Variants in TSGA13 observed in about 807,000 individuals in gnomAD.
TSGA13 encodes the protein testis-specific gene 13 protein.
TSGA13 carries 37 observed loss-of-function variants against 35.1 expected under a neutral mutation model. The ratio of observed to expected loss-of-function variants is 1.05; its 90% CI spans 0.81 to 1.39. The LOEUF is 1.39. Ranked by LOEUF, TSGA13 falls within the 40% of genes most tolerant of loss-of-function variation. The pLI, the probability that TSGA13 is intolerant of heterozygous loss-of-function variation, is 0.00. For missense variants in TSGA13, 338 were observed against 328.5 expected (o/e 1.03, Z -0.22); for synonymous variants, 124 against 121.2 (o/e 1.02, Z -0.15).
intron 3 of TSGA13, among the ~76,000 whole-genome samples, chr7:130,682,504 A>G (rs1322996533): frequency 1.3e-5 from 2 of 152,074 alleles, no homozygotes; most frequent in African/African-American, 4.8e-5. Context: ...TGGCCTCCCA[A>G]AGTGCTGGGA....
At chr7:130,677,408 G>A (rs1554464288) in intron 5 of TSGA13, among the ~76,000 whole-genome samples, 1 of 151,266 alleles carries the variant, frequency 6.6e-6, no homozygotes, top group Non-Finnish European at 1.5e-5. Flanking sequence ...TTTGTCTCCT[G>A]CCATTTACTC....
intron 1 of TSGA13, among the ~76,000 whole-genome samples, chr7:130,685,743 T>C (rs1371164243): frequency 6.6e-6 from 1 of 152,208 alleles, no homozygotes; most frequent in Non-Finnish European, 1.5e-5. Context: ...AACAAAGCCA[T>C]GCTCATTCAT....
chr7:130,672,884 G>A lies in TSGA13; in HGVS notation c.388-8C>T. On this transcript the variant is annotated splice_region_variant and splice_polypyrimidine_tract_variant and intron_variant, in intron 5 of 7. Transcript: ENST00000356588. ...GTGCTGATGATGACTTTCCTGTAGGGAAACGAGGGAAGAAGAGTGAGGGAG... is the reference window on the plus strand; with the variant it reads ...GTGCTGATGATGACTTTCCTGTAGGAAAACGAGGGAAGAAGAGTGAGGGAG... 2.5e-6 allele frequency: 4 copies of A among 1,612,056 alleles called. No individual in the cohort carries two copies. Among genetic ancestry groups the A allele is most frequent in the Non-Finnish European group, 3.4e-6 (4 of 1,178,968 alleles).
Position 130,670,592 on chromosome 7 carries a change from C to T in TSGA13, c.658+1069G>A, listed in dbSNP as rs570454277. Among the ~76,000 whole-genome samples, 72 of 152,196 alleles carry T rather than the reference C, an allele frequency of 4.7e-4. No homozygotes were observed. The South Asian group carries it at 0.014, about 30-fold the overall frequency. The stretch of plus-strand genomic sequence containing the variant: ...ACCTTTATTTAAATAATATTTAAGG[C>T]ATTGTGGTATTTTCGATTTCTTGTT... On this transcript the variant is annotated intron_variant, in intron 7 of 7. Coordinates refer to ENST00000356588, the MANE Select transcript of TSGA13 (RefSeq NM_052933.4).
At chr7:130,684,505 T>C (rs983529694) in intron 2 of TSGA13, among the ~76,000 whole-genome samples, 4 of 152,202 alleles carry the variant, frequency 2.6e-5, no homozygotes, top group Non-Finnish European at 2.9e-5. Context: ...GTAAGAAGAA[T>C]TATGCAACTA....
chr7:130,671,820 C>T (rs782335841), intron 6 of TSGA13, 32 bp from the exon 7 acceptor site: 1 of 1,501,894 alleles, frequency 6.7e-7, no homozygotes, highest in Non-Finnish European at 9.0e-7. Flanking sequence ...TTTAGTAGAT[C>T]CTAGGGCAGG....
intron 5 of TSGA13, among the ~76,000 whole-genome samples, chr7:130,675,648 G>T (rs1164072886): frequency 6.6e-6 from 1 of 152,222 alleles, no homozygotes; most frequent in Non-Finnish European, 1.5e-5. Context: ...CTCCCAAAGT[G>T]CTGGGCTTAC....
intron 3 of TSGA13, among the ~76,000 whole-genome samples, chr7:130,682,056 C>G (rs1342656763): frequency 2.0e-5 from 3 of 151,984 alleles, no homozygotes; most frequent in African/African-American, 7.3e-5. Flanking sequence ...CTTCCCTCCT[C>G]AGCATCCCGA....
chr7:130,685,054 G>A (rs1396890020), intron 2 of TSGA13, 134 bp downstream of exon 2: 1 of 960,158 alleles, frequency 1.0e-6, no homozygotes, highest in Admixed American at 1.9e-5. Context: ...TTTGATCCAG[G>A]GACAATCAGT....
intron 2 of TSGA13, among the ~76,000 whole-genome samples, chr7:130,684,037 C>T (rs782623698): frequency 1.3e-5 from 2 of 152,232 alleles, no homozygotes; most frequent in Non-Finnish European, 2.9e-5. Flanking sequence ...AAACCACCTA[C>T]TATTTTGAAT....
At chr7:130,679,899 C>A (rs1554464814) in intron 4 of TSGA13, among the ~76,000 whole-genome samples, 1 of 152,160 alleles carries the variant, frequency 6.6e-6, no homozygotes. Context: ...TGGAAATACA[C>A]TAAGGGGCTG....
chr7:130,677,016 C>T (rs549057061), intron 5 of TSGA13, among the ~76,000 whole-genome samples: 20 of 152,058 alleles, frequency 1.3e-4, no homozygotes, highest in South Asian at 4.2e-4. Flanking sequence ...CCTCAGCCTC[C>T]GGAGTAGCTG....
At chr7:130,679,794 G>A (rs1389308474) in intron 4 of TSGA13, among the ~76,000 whole-genome samples, 1 of 152,190 alleles carries the variant, frequency 6.6e-6, no homozygotes, top group Non-Finnish European at 1.5e-5. Context: ...AAAGTATGGA[G>A]ATTACAGAAG....
chr7:130,680,176 A>G (rs181816719), intron 4 of TSGA13, among the ~76,000 whole-genome samples: 1 of 152,320 alleles, frequency 6.6e-6, no homozygotes, highest in East Asian at 1.9e-4. Flanking sequence ...TCTCAGGCAC[A>G]ACCACATTGA....
chr7:130,682,962 A>G (rs1796583178), intron 3 of TSGA13, among the ~76,000 whole-genome samples: 1 of 152,252 alleles, frequency 6.6e-6, no homozygotes, highest in Non-Finnish European at 1.5e-5. Context: ...TATGAAATGT[A>G]TGACATATTT....
At chr7:130,680,821 C>A in intron 4 of TSGA13, 125 bp downstream of exon 4, 1 of 879,386 alleles carries the variant, frequency 1.1e-6, no homozygotes, top group East Asian at 2.5e-5. Context: ...CCTGCCTGTC[C>A]TAAGAGTACG....
At chr7:130,672,978 C>T (rs1248834188) in intron 5 of TSGA13, 102 bp from the exon 6 acceptor site, 1 of 1,322,592 alleles carries the variant, frequency 7.6e-7, no homozygotes, top group African/African-American at 1.5e-5. Flanking sequence ...CCCCTACAAT[C>T]ATGCAACAAA....
chr7:130,680,840 C>T (rs1796528460), intron 4 of TSGA13, 106 bp downstream of exon 4: 1 of 1,034,644 alleles, frequency 9.7e-7, no homozygotes, highest in South Asian at 1.4e-5. Flanking sequence ...CGCACAGTCA[C>T]AGAAGCTGGG....
chr7:130,679,410 C>G, intron 4 of TSGA13, 43 bp from the exon 5 acceptor site: 1 of 1,532,752 alleles, frequency 6.5e-7, no homozygotes, highest in Non-Finnish European at 8.8e-7. Flanking sequence ...AGAGATTAGG[C>G]CAAGAGCAGG....
Sources: gnomAD v4.1 joint callset for allele counts (sites outside exome capture counted in the v4.1 genomes callset) on GRCh38, gnomAD v4.1.1 for gene constraint, MANE v1.5 for transcripts, NCBI Gene and HGNC (gene_info 2026-07-23, HGNC 2026-07-21) for gene names.